Variants in ZNF177 observed in about 807,000 individuals in gnomAD.
The protein encoded by ZNF177 is zinc finger protein 177.
In ZNF177, 17 loss-of-function variants were observed where a neutral mutation model predicts 19.4. The observed-to-expected ratio is 0.87, with a 90% CI of 0.60 to 1.31. ZNF177 has a LOEUF of 1.31. ZNF177 is among the 40% of genes most tolerant of loss of function. The pLI is 0.00. For synonymous variants in ZNF177, 220 were observed against 188.7 expected (o/e 1.17, Z -1.36); for missense variants, 633 against 561.8 (o/e 1.13, Z -1.28).
chr19:9,366,462 T>A (rs1260748890), intron 2 of ZNF177, among the ~76,000 whole-genome samples: 2 of 152,044 alleles, frequency 1.3e-5, no homozygotes, highest in East Asian at 3.9e-4. Context: ...CTCACTGTGT[T>A]ACCAGGCTGG....
exon 6 of ZNF177, chr19:9,381,812 C>T (rs2068207832): frequency 1.3e-6 from 2 of 1,553,146 alleles, no homozygotes; most frequent in Admixed American, 2.0e-5. Context: ...CCCCTCATGC[C>T]TCCTTTCTCA....
intron 2 of ZNF177, among the ~76,000 whole-genome samples, chr19:9,365,907 G>A (rs554979854): frequency 6.6e-6 from 1 of 152,168 alleles, no homozygotes; most frequent in African/African-American, 2.4e-5. Context: ...TGGTCGGTCT[G>A]AGGACCTGAG....
upstream of ZNF177, among the ~76,000 whole-genome samples, chr19:9,373,840 T>A (rs2068077784): frequency 6.6e-6 from 1 of 152,294 alleles, no homozygotes; most frequent in East Asian, 1.9e-4. Flanking sequence ...TTGTGCAGAT[T>A]CTTTCTCCCA....
exon 6 of ZNF177, chr19:9,380,886 C>CAAA: frequency 6.5e-7 from 1 of 1,536,092 alleles, no homozygotes; most frequent in Non-Finnish European, 8.7e-7. Flanking sequence ...GAAAAGCTTT[C>CAAA]AATCAAGAGT....
chr19:9,373,759 T>C (rs1034233822), upstream of ZNF177, among the ~76,000 whole-genome samples: 2 of 152,216 alleles, frequency 1.3e-5, no homozygotes, highest in Non-Finnish European at 2.9e-5. Context: ...ACTGTCTATT[T>C]AGATCCTTTA....
downstream of ZNF177, chr19:9,382,550 C>A: frequency 2.5e-6 from 1 of 396,126 alleles, no homozygotes; most frequent in Non-Finnish European, 4.4e-6. Flanking sequence ...GTGGGAAGTT[C>A]CTCTTTCAGC....
intron 1 of ZNF177, among the ~76,000 whole-genome samples, chr19:9,376,754 A>G (rs893056404): frequency 1.9e-4 from 29 of 152,172 alleles, no homozygotes; most frequent in African/African-American, 7.0e-4. Flanking sequence ...AAATTATTAT[A>G]ACTTTTTAAT....
Position 9,381,074 on chromosome 19 carries a change from AAACTGGTAGTGTGGAGGAGGGTTTGG to A in ZNF177, c.746_771del (p.Thr249MetfsTer2). On this transcript the variant is annotated frameshift_variant, in exon 6 of 6. Transcript: ENST00000589262. LOFTEE classifies it low-confidence loss of function (END_TRUNC). ...ATATCTCCCCTTAGTGTCCACACAA[AAACTGGTAGTGTGGAGGAGGGTTTGG>A]AATGTAATGAACATGAGAAAACTTT... 6.2e-7 allele frequency: 1 copy of A among 1,610,248 alleles called. No homozygotes were observed. Among genetic ancestry groups the A allele is most frequent in the Non-Finnish European group, 8.5e-7 (1 of 1,179,980 alleles).
chr19:9,381,172 G>C lies in ZNF177; in HGVS notation c.841G>C (p.Glu281Gln), dbSNP rs766267334. Residue 281 changes from glutamate to glutamine, a missense_variant, in exon 6 of 6, where the codon GAG becomes CAG. Glu to Gln is a conservative substitution (Grantham distance 29). Transcript: ENST00000589262. Reference sequence around the variant, plus strand: ...GAACTGTGTCAGAACTCACTCTGGAGAGATGCCCTATGAATGCAGTGACTG... The same window carrying C: ...GAACTGTGTCAGAACTCACTCTGGACAGATGCCCTATGAATGCAGTGACTG... 3.1e-6 allele frequency: 5 copies of C among 1,614,220 alleles called. No homozygotes were observed. In the Admixed American group the frequency reaches 8.3e-5, roughly 27 times the overall value.
exon 6 of ZNF177, chr19:9,381,915 CT>C: frequency 7.8e-7 from 1 of 1,284,224 alleles, no homozygotes; most frequent in Non-Finnish European, 1.1e-6. Flanking sequence ...TGGGACAAAC[CT>C]TATAAATGTT....
At chr19:9,380,706 C>G (rs565735015) in exon 6 of ZNF177, 1 of 1,535,762 alleles carries the variant, frequency 6.5e-7, no homozygotes, top group Non-Finnish European at 8.7e-7. Flanking sequence ...TGGAGTGTAA[C>G]CATTGTGGGA....
intron 2 of ZNF177, among the ~76,000 whole-genome samples, chr19:9,365,501 A>T (rs919049181): frequency 4.6e-5 from 7 of 151,832 alleles, no homozygotes; most frequent in African/African-American, 1.7e-4. Flanking sequence ...AAAAGCGGAG[A>T]AGGGTAGACA....
exon 6 of ZNF177, chr19:9,381,534 T>G: frequency 3.7e-6 from 6 of 1,614,192 alleles, no homozygotes; most frequent in Non-Finnish European, 5.1e-6. Flanking sequence ...GTAACCAGTG[T>G]GGAAAGTCCT....
At chr19:9,380,737 T>C (rs1443871887) in exon 6 of ZNF177, 1 of 1,536,030 alleles carries the variant, frequency 6.5e-7, no homozygotes, top group African/African-American at 1.4e-5. Flanking sequence ...GAACACTCGC[T>C]TTATTTGTAC....
chr19:9,364,910 A>G (rs1033285134), exon 2 of ZNF177: 1 of 152,226 alleles, frequency 6.6e-6, no homozygotes, highest in African/African-American at 2.4e-5. Flanking sequence ...GAGTCTGACG[A>G]GCAAGGGGAA....
chr19:9,371,549 T>C (rs1349948112), upstream of ZNF177: 1 of 152,216 alleles, frequency 6.6e-6, no homozygotes, highest in African/African-American at 2.4e-5. Context: ...TGTCCTGCTT[T>C]CTTCTGACGT....
At chr19:9,381,830 A>C in exon 6 of ZNF177, 1 of 1,539,118 alleles carries the variant, frequency 6.5e-7, no homozygotes, top group Non-Finnish European at 8.7e-7. Flanking sequence ...TCACTTTAGA[A>C]CATATATTGG....
intron 2 of ZNF177, 170 bp downstream of exon 4, chr19:9,378,514 C>T: frequency 9.3e-7 from 1 of 1,072,110 alleles, no homozygotes; most frequent in Non-Finnish European, 1.3e-6. Flanking sequence ...CTTCTGTTCC[C>T]ACATTTGTTA....
upstream of ZNF177, among the ~76,000 whole-genome samples, chr19:9,374,831 C>T (rs1032543632): frequency 1.1e-4 from 17 of 151,916 alleles, no homozygotes; most frequent in African/African-American, 3.6e-4. Flanking sequence ...CCAACGTAGA[C>T]GCCTTTTGTT....
Sources: allele counts gnomAD v4.1 joint callset (sites outside exome capture counted in the v4.1 genomes callset), GRCh38; gene constraint gnomAD v4.1.1; transcripts MANE v1.5; gene names NCBI Gene and HGNC (gene_info 2026-07-23, HGNC 2026-07-21).